Variants in CDH18 observed in about 807,000 individuals in gnomAD.
The protein encoded by CDH18 is cadherin 18.
A neutral mutation model predicts 67.9 loss-of-function variants in CDH18; 31 were observed. The observed-to-expected ratio is 0.46, with a 90% confidence interval of 0.34 to 0.62. The LOEUF (loss-of-function observed/expected upper bound fraction) is 0.62. Ranked by LOEUF, CDH18 falls within the 20% of genes least tolerant of loss-of-function variation. The pLI is 0.01. For missense variants in CDH18, 890 were observed against 975.5 expected (o/e 0.91, Z 1.17); for synonymous variants, 362 against 347.2 (o/e 1.04, Z -0.48).
intron 1 of CDH18, among the ~76,000 whole-genome samples, chr5:20,524,657 A>G (rs1309924420): frequency 1.3e-5 from 2 of 152,204 alleles, no homozygotes; most frequent in Non-Finnish European, 2.9e-5. Flanking sequence ...AAGCGGATCA[A>G]AACATCCATA....
At chr5:20,539,378 T>C (rs1260492188) in intron 1 of CDH18, among the ~76,000 whole-genome samples, 2 of 152,168 alleles carry the variant, frequency 1.3e-5, no homozygotes, top group Admixed American at 1.3e-4. Flanking sequence ...TCAAGATTAC[T>C]GGTTATACTT....
chr5:20,370,849 C>T (rs575603276), intron 1 of CDH18, among the ~76,000 whole-genome samples: 13 of 152,016 alleles, frequency 8.6e-5, no homozygotes, highest in African/African-American at 2.9e-4. Context: ...CTAGCCTGGC[C>T]AACATGATGA....
At chr5:19,491,762 TATAA>T (rs948567890) in intron 11 of CDH18, among the ~76,000 whole-genome samples, 2 of 151,608 alleles carry the variant, frequency 1.3e-5, no homozygotes, top group Non-Finnish European at 3.0e-5. Context: ...TAAAGCAACT[TATAA>T]ATGTTATGAT....
In CDH18 at chr5:19,744,526, A is replaced by ACACG. The variant is rs1301748106; in HGVS notation, c.523+2415_523+2416insCGTG. On this transcript the variant is annotated intron_variant, in intron 4 of 12. Transcript: ENST00000382275. ...TGTACACACACACACACACACACACACACACACACACACATCTATTCCAGA... is the reference window on the plus strand; with the variant it reads ...TGTACACACACACACACACACACACACACGCACACACACACACATCTATTCCAGA... Among the ~76,000 whole-genome samples, 7 of 151,962 alleles carry ACACG rather than the reference A, an allele frequency of 4.6e-5. No individual in the cohort carries two copies. In the East Asian group the frequency reaches 1.2e-3, roughly 25 times the overall value.
intron 8 of CDH18, among the ~76,000 whole-genome samples, chr5:19,547,044 T>C (rs962867245): frequency 6.6e-6 from 1 of 152,150 alleles, no homozygotes; most frequent in East Asian, 1.9e-4. Context: ...TGTATGTCAC[T>C]GGGGTTCCCA....
At chr5:20,158,981 G>C (rs895187564) in intron 2 of CDH18, 1 of 160,342 alleles carries the variant, frequency 6.2e-6, no homozygotes, top group Non-Finnish European at 1.5e-5. Flanking sequence ...TAAGGCCCAG[G>C]GTTGACCAAA....
intron 1 of CDH18, among the ~76,000 whole-genome samples, chr5:20,390,850 A>G (rs563310968): frequency 6.6e-6 from 1 of 152,278 alleles, no homozygotes; most frequent in South Asian, 2.1e-4. Context: ...ACATGAACGA[A>G]GCTGGAAACC....
intron 5 of CDH18, among the ~76,000 whole-genome samples, chr5:19,640,993 A>T (rs1021633279): frequency 8.6e-5 from 13 of 151,960 alleles, no homozygotes; most frequent in African/African-American, 3.1e-4. Context: ...AAAAAAGGAG[A>T]TGCTACAATG....
At chr5:20,233,408 T>C (rs189122293) in intron 2 of CDH18, among the ~76,000 whole-genome samples, 309 of 151,992 alleles carry the variant, frequency 2.0e-3, no homozygotes, top group African/African-American at 7.2e-3. Context: ...TATATATTAC[T>C]CTGTCATATA....
At chr5:20,573,878 T>G (rs868486659) in intron 1 of CDH18, among the ~76,000 whole-genome samples, 1 of 30,030 alleles carries the variant, frequency 3.3e-5, no homozygotes, top group Non-Finnish European at 1.0e-4. Context: ...ATATATGTAT[T>G]TATATATATA....
At chr5:20,236,970 G>T (rs887312446) in intron 2 of CDH18, among the ~76,000 whole-genome samples, 5 of 151,766 alleles carry the variant, frequency 3.3e-5, no homozygotes, top group African/African-American at 1.2e-4. Flanking sequence ...AGAAAGAAAA[G>T]AAAAGACAGT....
intron 10 of CDH18, among the ~76,000 whole-genome samples, chr5:19,505,230 G>A (rs1743920385): frequency 6.6e-6 from 1 of 151,904 alleles, no homozygotes; most frequent in African/African-American, 2.4e-5. Context: ...GAGACGATGG[G>A]GTTTTCTAGA....
intron 1 of CDH18, among the ~76,000 whole-genome samples, chr5:20,337,301 T>G (rs568930715): frequency 1.3e-5 from 2 of 152,326 alleles, no homozygotes; most frequent in African/African-American, 4.8e-5. Flanking sequence ...TTCTTTTCTA[T>G]TCACATTGTC....
rs1271441418 is a variant in CDH18 at position 20,391,851 on chromosome 5, G to A, written c.-579-136346C>T. Reference sequence around the variant, plus strand: ...ACCCAATCTCCATTGAATAAGAAGTGGTATAATTTATAATGATTATTTTTT... The same window carrying A: ...ACCCAATCTCCATTGAATAAGAAGTAGTATAATTTATAATGATTATTTTTT... On this transcript the variant is annotated intron_variant, in intron 1 of 14. Coordinates refer to the CDH18 transcript ENST00000507958. 2.0e-5 allele frequency among the ~76,000 whole-genome samples: 3 copies of A among 151,782 alleles called. No individual in the cohort carries two copies. The East Asian group carries it at 5.8e-4, about 29-fold the overall frequency.
intron 2 of CDH18, among the ~76,000 whole-genome samples, chr5:19,902,964 A>C (rs1355391099): frequency 6.6e-6 from 1 of 152,116 alleles, no homozygotes; most frequent in African/African-American, 2.4e-5. Context: ...TTTTACTATC[A>C]TTTTCATTAT....
chr5:19,916,306 C>A (rs2150152549), intron 2 of CDH18, among the ~76,000 whole-genome samples: 1 of 152,252 alleles, frequency 6.6e-6, no homozygotes, highest in Middle Eastern at 3.4e-3. Flanking sequence ...AGTCCTTACC[C>A]CTTAGGCAAA....
chr5:19,837,274 G>A (rs1781766529), intron 3 of CDH18, among the ~76,000 whole-genome samples: 1 of 152,056 alleles, frequency 6.6e-6, no homozygotes, highest in Non-Finnish European at 1.5e-5. Flanking sequence ...TGGGGGCTAG[G>A]GGAGGAATAG....
chr5:19,485,394 T>C (rs934063197), intron 11 of CDH18, among the ~76,000 whole-genome samples: 1 of 152,078 alleles, frequency 6.6e-6, no homozygotes, highest in African/African-American at 2.4e-5. Flanking sequence ...TAGCTGGGAC[T>C]ACAGGCGCCT....
chr5:19,792,787 C>T (rs1199029954), intron 3 of CDH18, among the ~76,000 whole-genome samples: 4 of 151,900 alleles, frequency 2.6e-5, no homozygotes, highest in African/African-American at 9.7e-5. Context: ...AAATAACATA[C>T]AAAAAAACTG....
Sources: gnomAD v4.1 joint callset for allele counts (sites outside exome capture counted in the v4.1 genomes callset) on GRCh38, gnomAD v4.1.1 for gene constraint, MANE v1.5 for transcripts, NCBI Gene and HGNC (gene_info 2026-07-23, HGNC 2026-07-21) for gene names.